The following MED23 variants were observed in gnomAD, a reference collection of about 807,000 sequenced individuals.
The protein encoded by MED23 is mediator of RNA polymerase II transcription subunit 23.
A neutral mutation model predicts 163.9 loss-of-function variants in MED23; 105 were observed. The observed-to-expected ratio is 0.64, with a 90% CI of 0.55 to 0.75. MED23 has a LOEUF of 0.75. MED23 is among the 30% of genes least tolerant of loss of function. The pLI is 0.00. For synonymous variants in MED23, 561 were observed against 565.6 expected, an observed-to-expected ratio of 0.99 and a Z score of 0.12; for missense variants, 1,054 against 1,649.0, an observed-to-expected ratio of 0.64 and a Z score of 6.25.
At chr6:131,624,524 G>A (rs562082991) in intron 4 of MED23, among the ~76,000 whole-genome samples, 2 of 152,230 alleles carry the variant, frequency 1.3e-5, no homozygotes, top group South Asian at 2.1e-4. Flanking sequence ...CTCCTAAGCC[G>A]AGTCAACCAC....
chr6:131,616,837 A>G (rs1054685328), intron 9 of MED23, among the ~76,000 whole-genome samples: 1 of 152,120 alleles, frequency 6.6e-6, no homozygotes, highest in African/African-American at 2.4e-5. Flanking sequence ...CAAACAATCA[A>G]ACAAAAAATA....
downstream of MED23, among the ~76,000 whole-genome samples, chr6:131,586,042 G>A (rs969717120): frequency 2.0e-5 from 3 of 152,148 alleles, no homozygotes; most frequent in Admixed American, 6.5e-5. Context: ...ATACATTGAC[G>A]CTATGCTAAG....
At chr6:131,604,437 G>T in intron 14 of MED23, 117 bp from the exon 15 acceptor site, 1 of 1,162,156 alleles carries the variant, frequency 8.6e-7, no homozygotes, top group African/African-American at 1.5e-5. Flanking sequence ...AAATGAAGTT[G>T]ATTCATTTAA....
intron 3 of MED23, among the ~76,000 whole-genome samples, chr6:131,626,036 G>A (rs372003262): frequency 2.0e-5 from 3 of 150,672 alleles, no homozygotes; most frequent in East Asian, 3.9e-4. Flanking sequence ...GCAGGAGAAC[G>A]GCGTGAACCC....
At chr6:131,582,342 T>C (rs1036530450), downstream of MED23, among the ~76,000 whole-genome samples, 2 of 152,084 alleles carry the variant, frequency 1.3e-5, no homozygotes, top group African/African-American at 2.4e-5. Flanking sequence ...ACCAAAGTAA[T>C]GGGAGCACAA....
chr6:131,601,359 G>A (rs1217296648), intron 17 of MED23, among the ~76,000 whole-genome samples: 8 of 152,084 alleles, frequency 5.3e-5, no homozygotes, highest in Admixed American at 6.6e-5. Context: ...CTAGATCTAC[G>A]TAACTCAGTG....
Position 131,606,507 on chromosome 6 carries a change from T to C in MED23, c.1339A>G (p.Ile447Val). 1.2e-6 allele frequency: 2 copies of C among 1,613,564 alleles called. No homozygotes were observed. The highest frequency in any genetic ancestry group is 1.7e-6 in the Non-Finnish European group (2 of 1,179,656). ...TGGTGAAGTCTTAGGGAATGAGGTA[T>C]TGGAATCTGTAGCTTGGAGTTGTCA... ...QNDNSKLQIP[I>V]PHSLRLHHEF... The change falls in exon 13 of 29, where the codon ATA (isoleucine) becomes GTA (valine). Residue 447 changes from isoleucine (I) to valine (V), a missense_variant. Ile to Val is a conservative substitution (Grantham distance 29). Around this residue, in one of 11 missense-constraint regions of MED23, gnomAD observed 39 missense variants for 50.5 expected, o/e 0.77. Transcript: ENST00000368068.
In MED23 at chr6:131,592,388, T is replaced by C. The variant is rs767971858; in HGVS notation, c.3471A>G (p.Pro1157=). Residue 1157 remains proline (P), a splice_region_variant and synonymous_variant, in exon 25 of 29, where the codon CCA becomes CCG. Transcript: ENST00000368068. ...GTACAAATCACAATTATTAACTCAC[T>C]GGTAGGGCAGTGATGATCAAACCAA... ...NAIGLIITAL[P]EPYWIVLHDR... 2 of 1,613,376 alleles carry C rather than the reference T, an allele frequency of 1.2e-6. No homozygotes were observed. The highest frequency in any genetic ancestry group is 1.1e-5 in the South Asian group (1 of 91,074).
At chr6:131,576,780 T>C in intron 30 of MED23, 1 of 1,549,796 alleles carries the variant, frequency 6.5e-7, no homozygotes, top group Non-Finnish European at 8.9e-7. Context: ...TCCTCCCCAC[T>C]CTGAAGGAAA....
chr6:131,615,209 A>G, intron 10 of MED23: 1 of 1,192,468 alleles, frequency 8.4e-7, no homozygotes, highest in Non-Finnish European at 1.2e-6. Flanking sequence ...TGGTCTCAGC[A>G]TGGTCCTGCC....
rs762306280 is a variant in MED23, at chr6:131,581,227, T to C, written c.4095+6482A>G. ...AATTTTTTCCCCAAAAGTTTGGCAA[T>C]TGGAAGCATCTCTGGCCATGCCAGG... On this transcript the variant is annotated intron_variant, in intron 30 of 30. Transcript: ENST00000354577. 9 of 1,613,720 alleles carry C rather than the reference T, an allele frequency of 5.6e-6. No homozygotes were observed. In the East Asian group the frequency reaches 1.1e-4, roughly 20 times the overall value.
intron 3 of MED23, among the ~76,000 whole-genome samples, chr6:131,626,046 CGA>C (rs904878130): frequency 2.0e-5 from 3 of 148,110 alleles, no homozygotes; most frequent in African/African-American, 7.6e-5. Context: ...GGCGTGAACC[CGA>C]GAGGCAGAGG....
At chr6:131,607,758 A>G (rs887332435) in intron 12 of MED23, among the ~76,000 whole-genome samples, 170 bp downstream of exon 12, 12 of 152,226 alleles carry the variant, frequency 7.9e-5, no homozygotes, top group African/African-American at 2.4e-4. Context: ...AGTGATTTGT[A>G]AAACTGTAGA....
chr6:131,591,927 C>T (rs993514765), intron 25 of MED23: 1 of 232,098 alleles, frequency 4.3e-6, no homozygotes, highest in East Asian at 1.1e-4. Flanking sequence ...AAAGGAGGCT[C>T]TAAGCTAGCA....
chr6:131,598,871 C>A lies in MED23; in HGVS notation c.2221-110G>T. 9.9e-7 allele frequency: 1 copy of A among 1,006,754 alleles called. No individual in the cohort carries two copies. Among genetic ancestry groups the A allele is most frequent in the Non-Finnish European group, 1.5e-6 (1 of 652,370 alleles). The allele number at this position is 1,006,754 out of a possible 1,614,324, so 62.4% of individuals were successfully genotyped here. ...ATTCTGACACTAATAAACTCTAGGT[C>A]ACCTTGAGCAACTCAGCAATTAAGG... On this transcript the variant is annotated intron_variant, in intron 18 of 28. Coordinates refer to ENST00000368068, the MANE Select transcript of MED23 (RefSeq NM_004830.4). The surrounding 1 kb of genome is among the most constrained non-coding windows in gnomAD (Gnocchi z 4.7).
At chr6:131,576,725 TAAAG>T in intron 30 of MED23, 2 of 1,613,624 alleles carry the variant, frequency 1.2e-6, no homozygotes, top group Non-Finnish European at 1.7e-6. Context: ...TTGAGAAACT[TAAAG>T]AACAAGGTAA....
At chr6:131,584,431 C>CTAAG (rs1774100799), downstream of MED23, 1 of 151,736 alleles carries the variant, frequency 6.6e-6, no homozygotes, top group African/African-American at 2.4e-5. Context: ...CTTAAAACTA[C>CTAAG]TAAGTTTTTA....
chr6:131,612,377 G>A (rs1776341563), intron 10 of MED23, among the ~76,000 whole-genome samples: 1 of 151,954 alleles, frequency 6.6e-6, no homozygotes, highest in Non-Finnish European at 1.5e-5. Context: ...TTAAAGACAG[G>A]TACATTAAAA....
Position 131,598,553 on chromosome 6 carries a change from T to TA in MED23, c.2426+2dup. On this transcript the variant is annotated splice_region_variant and intron_variant, in intron 19 of 28. Transcript: ENST00000368068. This position sits in a 1 kb window ranked among gnomAD's most constrained non-coding sequence, Gnocchi z 4.7. Reference sequence around the variant, plus strand: ...TGGAATGCAAATTAGGTTTTTGACTTACCTATAGCCAATCTGATTAATATG... The same window carrying TA: ...TGGAATGCAAATTAGGTTTTTGACTTAACCTATAGCCAATCTGATTAATATG... The TA allele has an allele frequency of 6.2e-7, 1 of 1,614,082 alleles. No individual in the cohort carries two copies. Among genetic ancestry groups the TA allele is most frequent in the Non-Finnish European group, 8.5e-7 (1 of 1,179,992 alleles).
Sources: allele counts gnomAD v4.1 joint callset (sites outside exome capture counted in the v4.1 genomes callset), GRCh38; gene constraint gnomAD v4.1.1; regional missense constraint gnomAD v4.1.1; non-coding constraint Gnocchi (gnomAD v3.1); transcripts MANE v1.5; gene names NCBI Gene and HGNC (gene_info 2026-07-23, HGNC 2026-07-21).